SGCD: variants seen among roughly 807,000 people sequenced by gnomAD.
The protein encoded by SGCD is delta-sarcoglycan.
SGCD carries 18 observed loss-of-function variants against 36.6 expected under a neutral mutation model. The observed-to-expected ratio is 0.49, with a 90% CI of 0.34 to 0.73. SGCD has a LOEUF of 0.73. Among genes scored for constraint, SGCD ranks in the 30% least tolerant of loss-of-function variants. SGCD has a pLI of 0.01. For synonymous variants in SGCD, 133 were observed against 130.6 expected, an observed-to-expected ratio of 1.02 and a Z score of -0.12; for missense variants, 387 against 346.7, an observed-to-expected ratio of 1.12 and a Z score of -0.92.
At chr5:156,390,179 T>A (rs572643982) in intron 3 of SGCD, among the ~76,000 whole-genome samples, 1 of 150,904 alleles carries the variant, frequency 6.6e-6, no homozygotes, top group Non-Finnish European at 1.5e-5. Flanking sequence ...ATTACTATAC[T>A]TTTTATTATT....
intron 3 of SGCD, among the ~76,000 whole-genome samples, chr5:156,206,386 G>A (rs1764278728): frequency 6.6e-6 from 1 of 151,724 alleles, no homozygotes; most frequent in African/African-American, 2.4e-5. Context: ...TAGATTTTTG[G>A]GTCATAGGAT....
intron 3 of SGCD, among the ~76,000 whole-genome samples, chr5:156,410,477 A>G (rs1047185556): frequency 6.6e-6 from 1 of 152,236 alleles, no homozygotes; most frequent in Non-Finnish European, 1.5e-5. Flanking sequence ...GTCGTGCAAT[A>G]TACCCATGTA....
chr5:156,457,426 A>AT (rs1754308891), intron 3 of SGCD, among the ~76,000 whole-genome samples: 1 of 152,244 alleles, frequency 6.6e-6, no homozygotes, highest in African/African-American at 2.4e-5. Context: ...AACCAGAGTC[A>AT]TTTCCATAAA....
chr5:156,604,743 T>C (rs1465972583), intron 6 of SGCD, among the ~76,000 whole-genome samples: 5 of 148,682 alleles, frequency 3.4e-5, no homozygotes, highest in Admixed American at 6.8e-5. Flanking sequence ...TATATATACA[T>C]ATATACACAT....
At chr5:156,301,924 T>A (rs1767063721) in intron 3 of SGCD, among the ~76,000 whole-genome samples, 1 of 152,140 alleles carries the variant, frequency 6.6e-6, no homozygotes, top group Admixed American at 6.5e-5. Context: ...TTGTTTGCTG[T>A]TTTTGGAATC....
In SGCD at chr5:156,232,587, A is replaced by G. The variant is rs542224972; in HGVS notation, c.-43-96947A>G. On this transcript the variant is annotated intron_variant, in intron 3 of 9. Transcript: ENST00000517913. ...TGTTTCTTTTACTTATATGGGCTGCATTGTGACTGATGTATACACCATGCA... is the reference window on the plus strand; with the variant it reads ...TGTTTCTTTTACTTATATGGGCTGCGTTGTGACTGATGTATACACCATGCA... Among the ~76,000 whole-genome samples the G allele has an allele frequency of 1.2e-4, 18 of 152,324 alleles. No homozygotes were observed. In the South Asian group the frequency reaches 3.7e-3, roughly 32 times the overall value.
intron 1 of SGCD, among the ~76,000 whole-genome samples, chr5:155,933,908 A>G (rs1340268722): frequency 6.6e-6 from 1 of 152,226 alleles, no homozygotes; most frequent in Non-Finnish European, 1.5e-5. Flanking sequence ...CCTGTGTGAA[A>G]CACCCACAGA....
intron 1 of SGCD, among the ~76,000 whole-genome samples, chr5:155,950,834 A>T (rs1757534457): frequency 6.6e-6 from 1 of 152,204 alleles, no homozygotes; most frequent in Admixed American, 6.5e-5. Flanking sequence ...GGAGTCTGTT[A>T]TAATTATTGA....
intron 6 of SGCD, among the ~76,000 whole-genome samples, chr5:156,596,171 A>G (rs1760918795): frequency 6.6e-6 from 1 of 152,190 alleles, no homozygotes; most frequent in Admixed American, 6.5e-5. Flanking sequence ...AGTCAACAGT[A>G]GGTGCTGCTG....
intron 3 of SGCD, among the ~76,000 whole-genome samples, chr5:156,135,746 G>A (rs1272066925): frequency 6.6e-6 from 1 of 152,148 alleles, no homozygotes; most frequent in Non-Finnish European, 1.5e-5. Flanking sequence ...CTGTGGAACT[G>A]TTTCCATACT....
rs375067649 is a variant in SGCD at position 156,759,441 on chromosome 5, T to G, written c.*51T>G. On this transcript the variant is annotated 3_prime_UTR_variant, in exon 9 of 9. Transcript: ENST00000337851. ...GGCAGCATAAAGGCCTTTTTTGGCTTTAGACACTGGCTGCCAGCTATTTTT... is the reference window on the plus strand; with the variant it reads ...GGCAGCATAAAGGCCTTTTTTGGCTGTAGACACTGGCTGCCAGCTATTTTT... 3.0e-6 allele frequency: 4 copies of G among 1,351,336 alleles called. No homozygotes were observed. Among genetic ancestry groups the G allele is most frequent in the East Asian group, 2.3e-5 (1 of 43,260 alleles). The allele number at this position is 1,351,336 out of a possible 1,614,324, so 83.7% of individuals were successfully genotyped here. A position where few individuals can be genotyped will look rare whatever the true frequency, so the allele number is the denominator to read the frequency against.
intron 1 of SGCD, among the ~76,000 whole-genome samples, chr5:155,971,517 CT>C (rs1758006064): frequency 6.6e-6 from 1 of 152,122 alleles, no homozygotes; most frequent in Admixed American, 6.6e-5. Context: ...TGAAACTCGT[CT>C]GGCCCAATTT....
chr5:156,058,848 A>G (rs190325667), intron 1 of SGCD, among the ~76,000 whole-genome samples: 2 of 146,074 alleles, frequency 1.4e-5, no homozygotes, highest in East Asian at 3.9e-4. Flanking sequence ...GTGTAGGAAT[A>G]TAGATGAAAC....
At chr5:156,052,984 A>C (rs1243010961) in intron 1 of SGCD, among the ~76,000 whole-genome samples, 4 of 145,998 alleles carry the variant, frequency 2.7e-5, no homozygotes, top group Non-Finnish European at 6.2e-5. Flanking sequence ...CAGGAAAGTC[A>C]ATCTTCCCTT....
chr5:156,720,465 C>T (rs371260262), intron 7 of SGCD, among the ~76,000 whole-genome samples: 48 of 152,124 alleles, frequency 3.2e-4, no homozygotes, highest in African/African-American at 1.1e-3. Flanking sequence ...ATGCTTTGTT[C>T]GGGGAAGAGC....
At chr5:156,290,346 T>A (rs1352418416) in intron 3 of SGCD, among the ~76,000 whole-genome samples, 1 of 152,158 alleles carries the variant, frequency 6.6e-6, no homozygotes, top group Non-Finnish European at 1.5e-5. Flanking sequence ...GGTCATTATG[T>A]TCATAAGTTA....
At chr5:156,354,655 T>A (rs540363894) in intron 3 of SGCD, among the ~76,000 whole-genome samples, 11 of 152,366 alleles carry the variant, frequency 7.2e-5, no homozygotes, top group Non-Finnish European at 1.0e-4. Context: ...CACATAGCCA[T>A]TCACACATGG....
intron 7 of SGCD, among the ~76,000 whole-genome samples, chr5:156,669,637 A>T (rs928725911): frequency 2.0e-5 from 3 of 152,228 alleles, no homozygotes; most frequent in Non-Finnish European, 4.4e-5. Flanking sequence ...GCCAGTCATA[A>T]AGTATCTTAT....
intron 3 of SGCD, among the ~76,000 whole-genome samples, chr5:156,352,798 A>G (rs900786123): frequency 8.5e-5 from 13 of 152,208 alleles, no homozygotes; most frequent in African/African-American, 3.1e-4. Context: ...TGGAGGCTCC[A>G]AGAAGTGCAG....
Sources: gnomAD v4.1 joint callset for allele counts (sites outside exome capture counted in the v4.1 genomes callset) on GRCh38, gnomAD v4.1.1 for gene constraint, MANE v1.5 for transcripts, NCBI Gene and HGNC (gene_info 2026-07-23, HGNC 2026-07-21) for gene names.